The following VWF variants were observed in gnomAD, a reference collection of about 807,000 sequenced individuals.
The protein encoded by VWF is von Willebrand factor.
Under a neutral mutation model 308.6 loss-of-function variants are expected in VWF, and 176 were observed. The observed-to-expected ratio is 0.57, with a 90% confidence interval of 0.50 to 0.65. VWF has a LOEUF of 0.65. VWF is among the 30% of genes least tolerant of loss of function. VWF has a pLI of 0.00. For synonymous variants in VWF, 1,385 were observed against 1,443.4 expected, an observed-to-expected ratio of 0.96 and a Z score of 0.92; for missense variants, 3,146 against 3,648.2, an observed-to-expected ratio of 0.86 and a Z score of 3.55.
At position 6,044,320 on chromosome 12, in the gene VWF, C is replaced by T. The variant is rs1418273953; in HGVS notation, c.2413G>A (p.Val805Ile). ...YDLECMSMGCVSGCLCPPGMV... is the reference protein window; with the variant it reads ...YDLECMSMGCISGCLCPPGMV... ...CCCGGGGGGCAGAGGCAGCCAGAGA[C>T]ACAGCCCATGCTCATGCACTCCAGG... The change falls in exon 18 of 52, where the codon GTC (valine) becomes ATC (isoleucine). Residue 805 changes from valine to isoleucine, a missense_variant. This residue lies in a region of VWF where 1,304 missense variants were observed against 1,353.0 expected (regional missense o/e 0.96). Coordinates refer to ENST00000261405, the MANE Select transcript of VWF (RefSeq NM_000552.5). The T allele has an allele frequency of 1.2e-6, 2 of 1,614,216 alleles. No individual in the cohort carries two copies. The highest frequency in any genetic ancestry group is 1.7e-6 in the Non-Finnish European group (2 of 1,180,034).
chr12:6,008,691 G>T (rs2136400720), intron 34 of VWF, among the ~76,000 whole-genome samples: 1 of 152,192 alleles, frequency 6.6e-6, no homozygotes, highest in Non-Finnish European at 1.5e-5. Flanking sequence ...AAGAAGATAT[G>T]AACATCACCC....
At position 5,971,579 on chromosome 12, in the gene VWF, T is replaced by C. The variant is rs769527632; in HGVS notation, c.7548+20A>G. 6.0e-5 allele frequency: 96 copies of C among 1,607,524 alleles called. No homozygotes were observed. Among genetic ancestry groups the C allele is most frequent in the Non-Finnish European group, 7.7e-5 (91 of 1,174,528 alleles). On this transcript the variant is annotated intron_variant, in intron 44 of 51. Coordinates refer to ENST00000261405, the MANE Select transcript of VWF (RefSeq NM_000552.5). ...TGGCCCCAATCTGCCCTCCTCCCCG[T>C]CCCGGGGGCCTGGACCTACACTCTT... is the stretch of plus-strand genomic sequence containing the variant.
chr12:6,113,650 G>A (rs957077254), intron 3 of VWF, among the ~76,000 whole-genome samples: 1 of 152,208 alleles, frequency 6.6e-6, no homozygotes, highest in African/African-American at 2.4e-5. Context: ...GAATCTGAGT[G>A]AGGAGTATAT....
chr12:5,975,695 A>G (rs928214025), intron 43 of VWF, among the ~76,000 whole-genome samples: 18 of 152,246 alleles, frequency 1.2e-4, no homozygotes, highest in African/African-American at 4.3e-4. Context: ...GAAAACTTCA[A>G]GTTCTCTTTT....
intron 24 of VWF, among the ~76,000 whole-genome samples, chr12:6,025,188 T>C (rs939239193): frequency 1.3e-5 from 2 of 151,936 alleles, no homozygotes; most frequent in Non-Finnish European, 2.9e-5. Flanking sequence ...ACCAAGGGGT[T>C]TTAGGGGGTG....
chr12:6,090,385 G>T (rs777883711), intron 6 of VWF, among the ~76,000 whole-genome samples: 10 of 152,176 alleles, frequency 6.6e-5, no homozygotes, highest in Non-Finnish European at 1.3e-4. Context: ...AGATATCTGG[G>T]CACCTTGTTT....
intron 34 of VWF, among the ~76,000 whole-genome samples, chr12:6,007,773 A>G (rs1284207833): frequency 6.6e-6 from 1 of 152,166 alleles, no homozygotes; most frequent in Non-Finnish European, 1.5e-5. Context: ...TGGTTTTTTA[A>G]AGGTCAACAA....
intron 34 of VWF, among the ~76,000 whole-genome samples, chr12:6,006,154 T>C (rs1346714448): frequency 6.6e-6 from 1 of 152,166 alleles, no homozygotes; most frequent in Non-Finnish European, 1.5e-5. Flanking sequence ...TCGTGAGCAA[T>C]TGAAATTAAG....
intron 15 of VWF, among the ~76,000 whole-genome samples, chr12:6,054,617 A>G (rs924137082): frequency 6.6e-6 from 1 of 152,218 alleles, no homozygotes; most frequent in Non-Finnish European, 1.5e-5. Context: ...AGAGATGGCC[A>G]GCCCTGGTCC....
intron 32 of VWF, among the ~76,000 whole-genome samples, chr12:6,013,215 A>C (rs1479793936): frequency 1.3e-5 from 2 of 152,178 alleles, no homozygotes; most frequent in East Asian, 3.9e-4. Context: ...AAATAAGCTT[A>C]GGCTCTCTCT....
intron 5 of VWF, among the ~76,000 whole-genome samples, chr12:6,099,535 T>G (rs892183091): frequency 6.6e-6 from 1 of 152,044 alleles, no homozygotes; most frequent in Non-Finnish European, 1.5e-5. Flanking sequence ...CAATCGAAAA[T>G]TATGAAACAT....
chr12:6,087,581 G>A (rs1343928166), intron 6 of VWF, among the ~76,000 whole-genome samples: 5 of 149,730 alleles, frequency 3.3e-5, no homozygotes, highest in Non-Finnish European at 7.4e-5. Context: ...TAGCCAGGAT[G>A]GTCTCGACCT....
At chr12:5,987,870 T>G (rs891466418) in intron 38 of VWF, among the ~76,000 whole-genome samples, 4 of 152,206 alleles carry the variant, frequency 2.6e-5, no homozygotes, top group African/African-American at 9.6e-5. Context: ...TAAGCTAACC[T>G]TTGGGGGATG....
At position 6,108,334 on chromosome 12, in the gene VWF, T is replaced by TATATATACAC. The variant is rs374693235; in HGVS notation, c.532+2039_532+2040insGTGTATATAT. The stretch of plus-strand genomic sequence containing the variant: ...AGAAAGAAAGAAAGAAAGAAATATA[T>TATATATACAC]ACACACACACACACACACACACACA... On this transcript the variant is annotated intron_variant, in intron 5 of 51. Transcript: ENST00000261405. Among the ~76,000 whole-genome samples the TATATATACAC allele has an allele frequency of 4.9e-3, 604 of 124,164 alleles. 6 individuals are homozygous for TATATATACAC. Among genetic ancestry groups the TATATATACAC allele is most frequent in the African/African-American group, 0.016 (571 of 34,738 alleles). 81.5% of individuals were successfully genotyped at this position (124,164 alleles called of 152,430 possible). A position where few individuals can be genotyped will look rare whatever the true frequency, so the allele number is the denominator to read the frequency against.
intron 8 of VWF, 86 bp from the exon 9 acceptor site, chr12:6,072,528 T>C (rs932209652): frequency 8.7e-7 from 1 of 1,153,770 alleles, no homozygotes; most frequent in African/African-American, 1.5e-5. Flanking sequence ...GGGACAATGG[T>C]TGGGTTTCTT....
intron 24 of VWF, 69 bp downstream of exon 24, chr12:6,025,511 C>G: frequency 1.6e-6 from 2 of 1,270,852 alleles, no homozygotes; most frequent in Non-Finnish European, 2.3e-6. Context: ...TAGAAGGTCA[C>G]ACTCTGTGTC....
In VWF at chr12:5,976,672, G is replaced by A. The variant is rs573952933; in HGVS notation, c.7288-412C>T. Among the ~76,000 whole-genome samples the A allele has an allele frequency of 7.9e-5, 12 of 152,072 alleles. 1 individual carries two copies. The highest frequency in any genetic ancestry group is 6.5e-4 in the Admixed American group (10 of 15,286). On this transcript the variant is annotated intron_variant, in intron 42 of 51. Transcript: ENST00000261405. Reference sequence around the variant, plus strand: ...CTCATCGAGCCCTCTGCCCACTTACGAGCAAATTGGGCAGGGGCTATGAAT... The same window carrying A: ...CTCATCGAGCCCTCTGCCCACTTACAAGCAAATTGGGCAGGGGCTATGAAT...
In VWF at chr12:6,121,337, C is replaced by T; in HGVS notation, c.57G>A (p.Gly19=). ...CGCGAGTTCCTTCTGCACAAAGGGT[C>T]CCTGGAGGGAGAGGCCACAGGTTGG... is the stretch of plus-strand genomic sequence containing the variant. ...VLLALALILP[G]TLCAEGTRGR... is the part of the protein sequence containing the mutation. The change falls in exon 3 of 52, where the codon GGG becomes GGA. Residue 19 remains glycine (G), a splice_region_variant and synonymous_variant. Coordinates refer to ENST00000261405, the MANE Select transcript of VWF (RefSeq NM_000552.5). 4 of 1,613,954 alleles carry T rather than the reference C, an allele frequency of 2.5e-6. No homozygotes were observed. Among genetic ancestry groups the T allele is most frequent in the Non-Finnish European group, 3.4e-6 (4 of 1,179,970 alleles).
At chr12:6,003,657 G>C (rs1943896206) in intron 34 of VWF, among the ~76,000 whole-genome samples, 1 of 152,146 alleles carries the variant, frequency 6.6e-6, no homozygotes, top group Non-Finnish European at 1.5e-5. Flanking sequence ...CATTCAGAGA[G>C]ACAGAAAGCA....
Sources: allele counts gnomAD v4.1 joint callset (sites outside exome capture counted in the v4.1 genomes callset), GRCh38; gene constraint gnomAD v4.1.1; regional missense constraint gnomAD v4.1.1; transcripts MANE v1.5; gene names NCBI Gene and HGNC (gene_info 2026-07-23, HGNC 2026-07-21).